Variants in ASCC3 observed in about 807,000 individuals in gnomAD.
The protein encoded by ASCC3 is ASC-1 complex subunit P200.
Under a neutral mutation model 256.3 loss-of-function variants are expected in ASCC3, and 158 were observed. The observed-to-expected ratio is 0.62, with a 90% confidence interval of 0.54 to 0.70. The LOEUF (loss-of-function observed/expected upper bound fraction) is 0.70, where lower values mean the gene tolerates loss of function less well. Ranked by LOEUF, ASCC3 falls within the 30% of genes least tolerant of loss-of-function variation. The probability of loss-of-function intolerance (pLI) is 0.00; values close to 1 mark genes in which losing one functional copy is unlikely to be tolerated. For missense variants in ASCC3, 2,259 were observed against 2,626.0 expected, an observed-to-expected ratio of 0.86 and a Z score of 3.05; for synonymous variants, 948 against 883.4, an observed-to-expected ratio of 1.07 and a Z score of -1.30.
At chr6:100,779,794 A>G (rs1782362580) in intron 8 of ASCC3, among the ~76,000 whole-genome samples, 1 of 152,162 alleles carries the variant, frequency 6.6e-6, no homozygotes, top group Non-Finnish European at 1.5e-5. Context: ...GTTTGTTTCC[A>G]TAGAAAAATG....
At chr6:100,676,338 T>C (rs1241394345) in intron 14 of ASCC3, among the ~76,000 whole-genome samples, 3 of 152,186 alleles carry the variant, frequency 2.0e-5, no homozygotes, top group African/African-American at 4.8e-5. Context: ...TATTATTCCA[T>C]TTGAGAGAAG....
intron 4 of ASCC3, among the ~76,000 whole-genome samples, chr6:100,844,779 T>C (rs141551523): frequency 1.0e-3 from 155 of 152,180 alleles, no homozygotes; most frequent in Middle Eastern, 3.4e-3. Flanking sequence ...AAGGGGATGA[T>C]ATTGGCAAAA....
chr6:100,629,300 C>T (rs1158606330), intron 26 of ASCC3, 119 bp from the exon 27 acceptor site: 3 of 930,380 alleles, frequency 3.2e-6, no homozygotes. Flanking sequence ...CTTTATCTAC[C>T]TTTGATTTTT....
At chr6:100,790,946 A>C (rs1769324019) in intron 8 of ASCC3, among the ~76,000 whole-genome samples, 1 of 151,886 alleles carries the variant, frequency 6.6e-6, no homozygotes, top group Non-Finnish European at 1.5e-5. Flanking sequence ...ATACAGACAA[A>C]ATGAATTCTT....
At chr6:100,620,287 T>C (rs1773883672) in intron 30 of ASCC3, among the ~76,000 whole-genome samples, 1 of 152,130 alleles carries the variant, frequency 6.6e-6, no homozygotes, top group South Asian at 2.1e-4. Context: ...CATGGTAGCA[T>C]ATACCCATAA....
chr6:100,511,228 T>C (rs1410186489), intron 40 of ASCC3, among the ~76,000 whole-genome samples: 1 of 152,092 alleles, frequency 6.6e-6, no homozygotes, highest in Non-Finnish European at 1.5e-5. Flanking sequence ...TCACCTGAGG[T>C]CAGGAGTTTG....
intron 10 of ASCC3, among the ~76,000 whole-genome samples, chr6:100,751,746 CACACACT>C (rs1780954935): frequency 6.7e-6 from 1 of 149,772 alleles, no homozygotes; most frequent in Non-Finnish European, 1.5e-5. Context: ...TTTATATGGT[CACACACT>C]ACCACGGAAA....
intron 5 of ASCC3, among the ~76,000 whole-genome samples, chr6:100,803,551 TTTTATAGC>T (rs1273722178): frequency 1.8e-4 from 27 of 152,144 alleles, no homozygotes; most frequent in African/African-American, 6.5e-4. Context: ...CAGGTAGTAT[TTTTATAGC>T]AGTGTGAGAA....
At chr6:100,550,799 C>T (rs970949984) in intron 36 of ASCC3, among the ~76,000 whole-genome samples, 9 of 151,834 alleles carry the variant, frequency 5.9e-5, no homozygotes, top group African/African-American at 2.2e-4. Flanking sequence ...TGCATTAATC[C>T]CCTTCTTTAC....
At chr6:100,594,603 C>G (rs1772184801) in intron 34 of ASCC3, among the ~76,000 whole-genome samples, 1 of 152,060 alleles carries the variant, frequency 6.6e-6, no homozygotes, top group Non-Finnish European at 1.5e-5. Flanking sequence ...ATTAGCACAG[C>G]CTCTTTGGAA....
At chr6:100,737,396 C>T (rs988704736) in intron 10 of ASCC3, among the ~76,000 whole-genome samples, 5 of 152,100 alleles carry the variant, frequency 3.3e-5, no homozygotes, top group Non-Finnish European at 5.9e-5. Context: ...TCACCCCCAA[C>T]AGGCCCCAGT....
At chr6:100,644,280 TTAATA>T (rs1266758609) in intron 22 of ASCC3, 151 bp from the exon 23 acceptor site, 1 of 643,674 alleles carries the variant, frequency 1.6e-6, no homozygotes, top group African/African-American at 1.8e-5. Flanking sequence ...TTAAATGATT[TTAATA>T]TATTTCCAAA....
Position 100,800,510 on chromosome 6 carries a change from A to T in ASCC3, c.923-6T>A. 4.4e-6 allele frequency: 7 copies of T among 1,576,138 alleles called. No homozygotes were observed. Among genetic ancestry groups the T allele is most frequent in the Non-Finnish European group, 6.1e-6 (7 of 1,150,444 alleles). On this transcript the variant is annotated splice_polypyrimidine_tract_variant and splice_region_variant and intron_variant, in intron 5 of 41. Transcript: ENST00000369162. ...TAAAATTTTTTTACAATTGTCTAAG[A>T]AGCAAATTTAAGAAACACAATGTTT...
chr6:100,762,074 A>C (rs1309040053), intron 10 of ASCC3, among the ~76,000 whole-genome samples: 1 of 152,200 alleles, frequency 6.6e-6, no homozygotes, highest in Non-Finnish European at 1.5e-5. Flanking sequence ...CAATTGCTGG[A>C]GCTTTGATCT....
At chr6:100,847,405 A>G (rs1228203164) in intron 4 of ASCC3, among the ~76,000 whole-genome samples, 1 of 152,146 alleles carries the variant, frequency 6.6e-6, no homozygotes, top group African/African-American at 2.4e-5. Flanking sequence ...TAATGATATA[A>G]TATCTTACTT....
chr6:100,560,690 A>G (rs1769885201), intron 36 of ASCC3, among the ~76,000 whole-genome samples: 2 of 151,866 alleles, frequency 1.3e-5, no homozygotes, highest in East Asian at 1.9e-4. Context: ...GAATCAAGAG[A>G]AAGCAAACAT....
chr6:100,642,872 T>C (rs780610354), intron 23 of ASCC3, 123 bp from the exon 24 acceptor site: 7 of 973,062 alleles, frequency 7.2e-6, no homozygotes, highest in Non-Finnish European at 1.1e-5. Context: ...CTTGAATTTG[T>C]AAATAGCTGA....
intron 36 of ASCC3, among the ~76,000 whole-genome samples, chr6:100,579,893 C>A (rs1200293289): frequency 6.6e-6 from 1 of 152,060 alleles, no homozygotes; most frequent in Non-Finnish European, 1.5e-5. Flanking sequence ...AGAGATAGCA[C>A]TGAATGTATA....
intron 3 of ASCC3, among the ~76,000 whole-genome samples, chr6:100,849,334 G>A (rs1331445667): frequency 6.6e-6 from 1 of 151,978 alleles, no homozygotes; most frequent in Non-Finnish European, 1.5e-5. Context: ...TAATTTTAAA[G>A]ATTGATTTGA....
Sources: allele counts gnomAD v4.1 joint callset (sites outside exome capture counted in the v4.1 genomes callset), GRCh38; gene constraint gnomAD v4.1.1; transcripts MANE v1.5; gene names NCBI Gene and HGNC (gene_info 2026-07-23, HGNC 2026-07-21).